Variants in ARIH1 observed in about 807,000 individuals in gnomAD.
ARIH1 encodes the protein E3 ubiquitin-protein ligase ARIH1.
A neutral mutation model predicts 85.0 loss-of-function variants in ARIH1; 8 were observed. The observed-to-expected ratio is 0.09, with a 90% CI of 0.06 to 0.17. ARIH1 has a LOEUF of 0.17. ARIH1 is among the 10% of genes least tolerant of loss of function. The probability of loss-of-function intolerance (pLI) is 1.00; values close to 1 mark genes in which losing one functional copy is unlikely to be tolerated. For synonymous variants in ARIH1, 238 were observed against 253.6 expected (o/e 0.94, Z 0.59); for missense variants, 311 against 718.1 (o/e 0.43, Z 6.48).
Position 72,584,015 on chromosome 15 carries a change from A to C in ARIH1, c.*723A>C, listed in dbSNP as rs1041252820. 2 of 152,156 alleles carry C rather than the reference A, an allele frequency of 1.3e-5. No individual in the cohort carries two copies. The highest frequency in any genetic ancestry group is 4.8e-5 in the African/African-American group (2 of 41,440). 9.4% of individuals were successfully genotyped at this position (152,156 alleles called of 1,614,324 possible). On this transcript the variant is annotated 3_prime_UTR_variant, in exon 14 of 14. Transcript: ENST00000379887. Reference sequence around the variant, plus strand: ...TTTAAAAATCTTCAAGATTATGTCTATTTGCTGTGCATTTTCTTTCAGTTT... The same window carrying C: ...TTTAAAAATCTTCAAGATTATGTCTCTTTGCTGTGCATTTTCTTTCAGTTT...
At chr15:72,570,359 T>C in intron 10 of ARIH1, 52 bp downstream of exon 10, 4 of 1,602,632 alleles carry the variant, frequency 2.5e-6, no homozygotes, top group Non-Finnish European at 2.6e-6. Flanking sequence ...ATGTGCCATG[T>C]ATTATGAATA....
rs938164585 is a variant in ARIH1 at position 72,594,636 on chromosome 15, C to G, written c.*11344C>G. 9 of 151,996 alleles carry G rather than the reference C, an allele frequency of 5.9e-5. No individual in the cohort carries two copies. The highest frequency in any genetic ancestry group is 2.2e-4 in the African/African-American group (9 of 41,362). The allele number at this position is 151,996 out of a possible 1,614,324, so 9.4% of individuals were successfully genotyped here. ...AAGTAGCTGGGACTTTATTCACGTG[C>G]CAGTGTGCCTGGCTGATTTTTGTAT... On this transcript the variant is annotated 3_prime_UTR_variant, in exon 14 of 14. Transcript: ENST00000379887.
chr15:72,572,316 C>CA, intron 11 of ARIH1, 151 bp downstream of exon 11: 1 of 512,532 alleles, frequency 2.0e-6, no homozygotes, highest in South Asian at 2.7e-5. Context: ...CAGCTCACTG[C>CA]AACCTCCACC....
At chr15:72,495,135 G>T (rs796608991) in intron 1 of ARIH1, among the ~76,000 whole-genome samples, 6 of 152,212 alleles carry the variant, frequency 3.9e-5, no homozygotes, top group African/African-American at 1.4e-4. Flanking sequence ...CCCTTATACT[G>T]TGTGGTATCA....
intron 3 of ARIH1, among the ~76,000 whole-genome samples, chr15:72,549,984 G>GGGA (rs993556822): frequency 2.0e-5 from 3 of 152,174 alleles, no homozygotes; most frequent in African/African-American, 7.2e-5. Context: ...TATCAGAGGA[G>GGGA]GGAGAGGGAA....
intron 2 of ARIH1, among the ~76,000 whole-genome samples, chr15:72,524,169 G>A (rs926421395): frequency 3.3e-5 from 5 of 151,454 alleles, no homozygotes; most frequent in Admixed American, 1.3e-4. Flanking sequence ...AGATGGTCTC[G>A]ATCTCCTGAC....
At position 72,590,058 on chromosome 15, in the gene ARIH1, A is replaced by G. The variant is rs1363102405; in HGVS notation, c.*6766A>G. 1 of 152,232 alleles carries G rather than the reference A, an allele frequency of 6.6e-6. No individual in the cohort carries two copies. The highest frequency in any genetic ancestry group is 2.4e-5 in the African/African-American group (1 of 41,450). 9.4% of individuals were successfully genotyped at this position (152,232 alleles called of 1,614,324 possible). A position where few individuals can be genotyped will look rare whatever the true frequency, so the allele number is the denominator to read the frequency against. The stretch of plus-strand genomic sequence containing the variant: ...GTAGTTTCCTTGAGGTCATCCTGTT[A>G]GTAAGTGGTGGAATGAAGTTACAAA... On this transcript the variant is annotated 3_prime_UTR_variant, in exon 14 of 14. Coordinates refer to ENST00000379887, the MANE Select transcript of ARIH1 (RefSeq NM_005744.5).
rs758605319 is a variant in ARIH1, at chr15:72,570,353, G to A, written c.1157+46G>A. Reference sequence around the variant, plus strand: ...GAAGAATGTGTTTACATAAGTATGTGCCATGTATTATGAATAACATTTCTA... The same window carrying A: ...GAAGAATGTGTTTACATAAGTATGTACCATGTATTATGAATAACATTTCTA... On this transcript the variant is annotated intron_variant, in intron 10 of 13. Coordinates refer to ENST00000379887, the MANE Select transcript of ARIH1 (RefSeq NM_005744.5). 10 of 1,607,720 alleles carry A rather than the reference G, an allele frequency of 6.2e-6. No individual in the cohort carries two copies. The Admixed American group carries it at 1.7e-4, about 27-fold the overall frequency.
chr15:72,577,043 G>T (rs1414781864), intron 11 of ARIH1, among the ~76,000 whole-genome samples: 2 of 151,656 alleles, frequency 1.3e-5, no homozygotes, highest in Non-Finnish European at 1.5e-5. Flanking sequence ...AGTGCCAGTG[G>T]CAGGTCTCAG....
chr15:72,529,267 C>G (rs1243284925), intron 2 of ARIH1, among the ~76,000 whole-genome samples: 5 of 152,212 alleles, frequency 3.3e-5, no homozygotes, highest in African/African-American at 1.2e-4. Context: ...CTTGCTCCCC[C>G]TATCTCACTA....
At chr15:72,491,271 G>T (rs2063858269) in intron 1 of ARIH1, among the ~76,000 whole-genome samples, 1 of 151,986 alleles carries the variant, frequency 6.6e-6, no homozygotes, top group Non-Finnish European at 1.5e-5. Flanking sequence ...GTATGCCTTT[G>T]TAAGGTTTTT....
At chr15:72,577,410 C>T (rs748080998) in intron 11 of ARIH1, among the ~76,000 whole-genome samples, 3 of 152,024 alleles carry the variant, frequency 2.0e-5, no homozygotes, top group Non-Finnish European at 4.4e-5. Context: ...CAGTGGCTCA[C>T]GCCTGTAATC....
intron 7 of ARIH1, among the ~76,000 whole-genome samples, chr15:72,564,241 TCA>T (rs1454703027): frequency 1.3e-5 from 2 of 152,224 alleles, no homozygotes; most frequent in Admixed American, 6.5e-5. Context: ...AACCAGATAT[TCA>T]GTTTCATTTC....
intron 2 of ARIH1, among the ~76,000 whole-genome samples, chr15:72,525,587 T>C (rs1225678748): frequency 2.0e-5 from 3 of 152,182 alleles, no homozygotes; most frequent in African/African-American, 4.8e-5. Flanking sequence ...GGAAGATAAA[T>C]TATATGTAAA....
intron 1 of ARIH1, among the ~76,000 whole-genome samples, chr15:72,480,120 C>G (rs957664458): frequency 2.0e-5 from 3 of 150,308 alleles, no homozygotes; most frequent in South Asian, 4.2e-4. Flanking sequence ...CCGCCCACCT[C>G]GGCCTGCCAA....
At chr15:72,500,295 G>A (rs1195422925) in intron 1 of ARIH1, among the ~76,000 whole-genome samples, 4 of 152,074 alleles carry the variant, frequency 2.6e-5, no homozygotes. Context: ...GGGTTTCACT[G>A]TGTTGGCCAG....
chr15:72,532,082 T>C (rs186960821), intron 2 of ARIH1, among the ~76,000 whole-genome samples: 4 of 150,120 alleles, frequency 2.7e-5, no homozygotes, highest in Non-Finnish European at 5.9e-5. Context: ...AAAATAAATA[T>C]AGGGAAAATA....
chr15:72,478,042 G>A (rs2063801481), intron 1 of ARIH1, among the ~76,000 whole-genome samples: 1 of 152,208 alleles, frequency 6.6e-6, no homozygotes, highest in Admixed American at 6.5e-5. Context: ...CTGGCCTCAA[G>A]TGATCTGCCC....
chr15:72,562,483 T>C (rs1041018543), intron 6 of ARIH1, among the ~76,000 whole-genome samples: 1 of 152,164 alleles, frequency 6.6e-6, no homozygotes, highest in Non-Finnish European at 1.5e-5. Context: ...TTTGAAATGG[T>C]CAATGGACTT....
Sources: gnomAD v4.1 joint callset for allele counts (sites outside exome capture counted in the v4.1 genomes callset) on GRCh38, gnomAD v4.1.1 for gene constraint, MANE v1.5 for transcripts, NCBI Gene and HGNC (gene_info 2026-07-23, HGNC 2026-07-21) for gene names.